The following ZFAND4 variants were observed in gnomAD, a reference collection of about 807,000 sequenced individuals.
ZFAND4 encodes the protein AN1-type zinc finger protein 4.
ZFAND4 carries 43 observed loss-of-function variants against 64.4 expected under a neutral mutation model. The observed-to-expected ratio is 0.67, with a 90% CI of 0.52 to 0.86. The LOEUF is 0.86. Ranked by LOEUF, ZFAND4 falls within the 40% of genes least tolerant of loss-of-function variation. The probability of loss-of-function intolerance (pLI) is 0.00; values close to 1 mark genes in which losing one functional copy is unlikely to be tolerated. For synonymous variants in ZFAND4, 296 were observed against 305.7 expected (o/e 0.97, Z 0.33); for missense variants, 929 against 859.8 (o/e 1.08, Z -1.01).
At chr10:45,630,973 A>AG (rs1554832032) in intron 6 of ZFAND4, among the ~76,000 whole-genome samples, 6 of 151,120 alleles carry the variant, frequency 4.0e-5, no homozygotes, top group South Asian at 2.1e-4. Flanking sequence ...AAAAAAAAAA[A>AG]AAAGAAAGAA....
At chr10:45,654,942 C>G (rs188466173) in intron 2 of ZFAND4, among the ~76,000 whole-genome samples, 1 of 152,128 alleles carries the variant, frequency 6.6e-6, no homozygotes, top group Non-Finnish European at 1.5e-5. Context: ...CTAGACAGGT[C>G]ATCAAGCCAG....
chr10:45,663,228 A>C lies in ZFAND4; in HGVS notation c.184+314T>G, dbSNP rs568919338. Among the ~76,000 whole-genome samples the C allele has an allele frequency of 4.1e-4, 62 of 152,298 alleles. 1 individual carries two copies. In the South Asian group the frequency reaches 7.7e-3, roughly 19 times the overall value. ...AAAAGTAAAATATAAAGTAACATTA[A>C]AAGTAACTATAAAATAGTTAAGGCA... is the stretch of plus-strand genomic sequence containing the variant. On this transcript the variant is annotated intron_variant, in intron 2 of 9. Transcript: ENST00000344646.
At chr10:45,630,708 A>T (rs2046146420) in intron 6 of ZFAND4, among the ~76,000 whole-genome samples, 1 of 152,168 alleles carries the variant, frequency 6.6e-6, no homozygotes, top group Non-Finnish European at 1.5e-5. Flanking sequence ...CCTGGGCGAC[A>T]CAGCAAGACT....
chr10:45,666,926 A>C (rs55893855), intron 1 of ZFAND4, among the ~76,000 whole-genome samples: 14,792 of 152,256 alleles, frequency 0.097, 971 homozygotes, highest in Non-Finnish European at 0.14. Context: ...GAAATCAGGA[A>C]GTGTGAGGCC....
rs766547745 is a variant in ZFAND4 at position 45,648,538 on chromosome 10, C to A, written c.329-4G>T. 1.3e-6 allele frequency: 2 copies of A among 1,588,810 alleles called. No individual in the cohort carries two copies. The highest frequency in any genetic ancestry group is 1.7e-6 in the Non-Finnish European group (2 of 1,169,032). Reference sequence around the variant, plus strand: ...CTAAGTGGATCGTCTGTAGGAACTACAAATGGAAAATTGAAATAAGTCTTC... The same window carrying A: ...CTAAGTGGATCGTCTGTAGGAACTAAAAATGGAAAATTGAAATAAGTCTTC... On this transcript the variant is annotated splice_polypyrimidine_tract_variant and splice_region_variant and intron_variant, in intron 4 of 9. Coordinates refer to ENST00000344646, the MANE Select transcript of ZFAND4 (RefSeq NM_174890.4).
intron 6 of ZFAND4, among the ~76,000 whole-genome samples, chr10:45,628,896 CAAAAAAA>C (rs74412113): frequency 2.6e-3 from 120 of 45,464 alleles, no homozygotes; most frequent in East Asian, 0.022. Flanking sequence ...GGAGCTTCAC[CAAAAAAA>C]AAAAAAAAAA....
chr10:45,630,460 G>A lies in ZFAND4; in HGVS notation c.718-3355C>T, dbSNP rs144262392. ...CTGAGAAAAGGTATAGGCCGGGTGC[G>A]GTGGCTCACACCTGTAATCCCAGCA... On this transcript the variant is annotated intron_variant, in intron 6 of 9. Transcript: ENST00000344646. Among the ~76,000 whole-genome samples, 247 of 152,204 alleles carry A rather than the reference G, an allele frequency of 1.6e-3. 2 individuals carry two copies. The highest frequency in any genetic ancestry group is 5.1e-3 in the African/African-American group (212 of 41,538).
intron 5 of ZFAND4, among the ~76,000 whole-genome samples, chr10:45,645,512 T>C (rs940771975): frequency 6.6e-6 from 1 of 152,234 alleles, no homozygotes; most frequent in Non-Finnish European, 1.5e-5. Flanking sequence ...ACAAACACTT[T>C]TTAAATTTTT....
chr10:45,656,322 A>G (rs984776690), intron 2 of ZFAND4, among the ~76,000 whole-genome samples: 1 of 148,148 alleles, frequency 6.8e-6, no homozygotes, highest in African/African-American at 2.5e-5. Flanking sequence ...GGAATCGGCC[A>G]GGCAAGGTGG....
chr10:45,662,776 C>A, intron 2 of ZFAND4: 4 of 547,398 alleles, frequency 7.3e-6, no homozygotes, highest in Non-Finnish European at 9.3e-6. Flanking sequence ...TAATTCTGAA[C>A]TTAAACCAGC....
chr10:45,627,990 T>C (rs2045953697), intron 6 of ZFAND4, among the ~76,000 whole-genome samples: 1 of 152,220 alleles, frequency 6.6e-6, no homozygotes, highest in Non-Finnish European at 1.5e-5. Context: ...ACTACAGCCC[T>C]GTGAATCTTC....
intron 2 of ZFAND4, among the ~76,000 whole-genome samples, chr10:45,654,520 G>C (rs2047974746): frequency 6.6e-6 from 1 of 152,006 alleles, no homozygotes; most frequent in Non-Finnish European, 1.5e-5. Flanking sequence ...TCTGTAGGCT[G>C]AGGCAGGAGA....
In ZFAND4 at chr10:45,626,396, C is replaced by T. The variant is rs770140461; in HGVS notation, c.1427G>A (p.Arg476His). 4.2e-5 allele frequency: 67 copies of T among 1,613,934 alleles called. 1 individual carries two copies. In the South Asian group the frequency reaches 6.6e-4, roughly 16 times the overall value. The change falls in exon 7 of 10, where the codon CGC becomes CAC. Residue 476 changes from arginine to histidine, a missense_variant. Arg to His is a conservative substitution (Grantham distance 29, BLOSUM62 0). Coordinates refer to ENST00000344646, the MANE Select transcript of ZFAND4 (RefSeq NM_174890.4). Reference sequence around the variant, plus strand: ...ATGTAGCGACATTGGTGCAGAACAGCGAAGAGGTGACAAGAGTCTATTCTT... The same window carrying T: ...ATGTAGCGACATTGGTGCAGAACAGTGAAGAGGTGACAAGAGTCTATTCTT... ...PHKNRLLSPL[R>H]CSAPMSLHNS...
chr10:45,618,618 G>A (rs2045180574), intron 8 of ZFAND4, among the ~76,000 whole-genome samples: 2 of 152,126 alleles, frequency 1.3e-5, no homozygotes, highest in Admixed American at 6.5e-5. Context: ...AAGCCTCTGA[G>A]AACATGATTG....
rs577269744 is a variant in ZFAND4, at chr10:45,652,375, A to G, written c.261-342T>C. 2.6e-5 allele frequency among the ~76,000 whole-genome samples: 4 copies of G among 152,328 alleles called. No homozygotes were observed. In the South Asian group the frequency reaches 8.3e-4, roughly 32 times the overall value. The stretch of plus-strand genomic sequence containing the variant: ...CCAAAGTGCAGAAAATAGCAAATCT[A>G]TTTAATAAAACAGAAAATAGAAAAA... On this transcript the variant is annotated intron_variant, in intron 3 of 9. Coordinates refer to ENST00000344646, the MANE Select transcript of ZFAND4 (RefSeq NM_174890.4).
intron 5 of ZFAND4, among the ~76,000 whole-genome samples, 159 bp downstream of exon 5, chr10:45,648,135 A>G (rs1008939556): frequency 6.6e-6 from 1 of 152,158 alleles, no homozygotes; most frequent in Non-Finnish European, 1.5e-5. Context: ...TTATGAAAAC[A>G]TCCCACTCTA....
At chr10:45,655,802 T>C (rs1440679879) in intron 2 of ZFAND4, among the ~76,000 whole-genome samples, 2 of 152,148 alleles carry the variant, frequency 1.3e-5, no homozygotes, top group East Asian at 3.9e-4. Flanking sequence ...TCCTCCTACC[T>C]TAAGTCAGGA....
Position 45,639,816 on chromosome 10 carries a change from CT to C in ZFAND4, c.716del (p.Lys239SerfsTer8). The C allele has an allele frequency of 6.2e-7, 1 of 1,608,024 alleles. No homozygotes were observed. ...AKMKNMNLSK[K>X]PKKAVKIKPH... is the part of the protein sequence containing the mutation. Reference sequence around the variant, plus strand: ...CCTGGTCAAATGCCAACAGCTTCACCTTTTTGCTGAGATTCATGTTCTTCAT... The same window carrying C: ...CCTGGTCAAATGCCAACAGCTTCACCTTTTGCTGAGATTCATGTTCTTCAT... On this transcript the variant is annotated frameshift_variant and splice_region_variant, in exon 6 of 10. Coordinates refer to ENST00000344646, the MANE Select transcript of ZFAND4 (RefSeq NM_174890.4). LOFTEE classifies it high-confidence loss of function.
At chr10:45,627,144 T>C (rs2045892715) in intron 6 of ZFAND4, 39 bp from the exon 7 acceptor site, 1 of 1,485,460 alleles carries the variant, frequency 6.7e-7, no homozygotes, top group Non-Finnish European at 9.0e-7. Flanking sequence ...ACACAGTCGT[T>C]TTCTCTGCCC....
Sources: allele counts gnomAD v4.1 joint callset (sites outside exome capture counted in the v4.1 genomes callset), GRCh38; gene constraint gnomAD v4.1.1; transcripts MANE v1.5; gene names NCBI Gene and HGNC (gene_info 2026-07-23, HGNC 2026-07-21).